Variants in MACROD2 observed in about 807,000 individuals in gnomAD.
MACROD2 encodes the protein mono-ADP ribosylhydrolase 2.
A neutral mutation model predicts 70.4 loss-of-function variants in MACROD2; 36 were observed. The observed-to-expected ratio is 0.51, with a 90% CI of 0.39 to 0.68. The LOEUF is 0.68. Ranked by LOEUF, MACROD2 falls within the 30% of genes least tolerant of loss-of-function variation. The pLI is 0.00. For missense variants in MACROD2, 496 were observed against 538.4 expected, an observed-to-expected ratio of 0.92 and a Z score of 0.78; for synonymous variants, 172 against 178.8, an observed-to-expected ratio of 0.96 and a Z score of 0.30.
intron 5 of MACROD2, among the ~76,000 whole-genome samples, chr20:14,790,579 T>C (rs1197708272): frequency 6.6e-6 from 1 of 152,094 alleles, no homozygotes; most frequent in Non-Finnish European, 1.5e-5. Context: ...CAGGGATTAA[T>C]TAAGGGGCTG....
At chr20:16,048,630 C>T (rs985823667) in intron 17 of MACROD2, among the ~76,000 whole-genome samples, 4 of 152,092 alleles carry the variant, frequency 2.6e-5, no homozygotes, top group African/African-American at 4.8e-5. Context: ...AATCCCACCA[C>T]GATCCCACTA....
chr20:14,897,574 C>A (rs1261489325), intron 5 of MACROD2, among the ~76,000 whole-genome samples: 1 of 151,914 alleles, frequency 6.6e-6, no homozygotes, highest in Non-Finnish European at 1.5e-5. Context: ...TTAGTTAGTG[C>A]TTCATTTCAG....
chr20:16,022,846 G>A (rs1393303914), intron 15 of MACROD2, among the ~76,000 whole-genome samples: 1 of 152,176 alleles, frequency 6.6e-6, no homozygotes, highest in African/African-American at 2.4e-5. Flanking sequence ...ATGCATGTAT[G>A]TGCCAACCGA....
At chr20:15,461,823 G>A (rs2046823213) in intron 7 of MACROD2, among the ~76,000 whole-genome samples, 1 of 152,066 alleles carries the variant, frequency 6.6e-6, no homozygotes, top group Non-Finnish European at 1.5e-5. Context: ...AGCAAACTGA[G>A]GATTCTTCCC....
chr20:15,470,071 A>T (rs1479145745), intron 7 of MACROD2, among the ~76,000 whole-genome samples: 1 of 151,844 alleles, frequency 6.6e-6, no homozygotes, highest in Admixed American at 6.6e-5. Context: ...TTTTTTTGAG[A>T]CAGAGTCTTG....
chr20:14,368,272 G>A (rs1479025325), intron 3 of MACROD2, among the ~76,000 whole-genome samples: 1 of 152,050 alleles, frequency 6.6e-6, no homozygotes, highest in Admixed American at 6.5e-5. Flanking sequence ...GGGCATATAG[G>A]CCACGCACAG....
intron 2 of MACROD2, among the ~76,000 whole-genome samples, chr20:14,015,824 C>A (rs1424320072): frequency 2.0e-5 from 3 of 152,112 alleles, no homozygotes; most frequent in Admixed American, 1.3e-4. Context: ...ATTTTTAAGG[C>A]CGAATATTAT....
intron 5 of MACROD2, among the ~76,000 whole-genome samples, chr20:15,130,079 A>G (rs995510226): frequency 1.3e-5 from 2 of 152,150 alleles, no homozygotes; most frequent in African/African-American, 4.8e-5. Flanking sequence ...TGCAGGACCC[A>G]TATTGTGTTT....
chr20:15,831,681 T>G (rs1274302685), intron 8 of MACROD2, among the ~76,000 whole-genome samples: 2 of 152,080 alleles, frequency 1.3e-5, no homozygotes, highest in African/African-American at 4.8e-5. Flanking sequence ...CCCTTGACAT[T>G]GCTTGAATTG....
intron 5 of MACROD2, among the ~76,000 whole-genome samples, chr20:14,979,581 C>T (rs918080335): frequency 1.2e-4 from 18 of 152,192 alleles, no homozygotes; most frequent in African/African-American, 4.3e-4. Flanking sequence ...ATACTTTGAG[C>T]TTCCTGGAAA....
chr20:15,900,779 G>A (rs1018642382), intron 10 of MACROD2, among the ~76,000 whole-genome samples: 12 of 152,196 alleles, frequency 7.9e-5, no homozygotes, highest in African/African-American at 2.9e-4. Flanking sequence ...AAACAGTTCA[G>A]TATGAGTATG....
chr20:15,191,311 CTCACACACACAGGCTGTGCATAAGGCT>C (rs2076568864), intron 5 of MACROD2, among the ~76,000 whole-genome samples: 1 of 152,174 alleles, frequency 6.6e-6, no homozygotes, highest in African/African-American at 2.4e-5. Context: ...CTGGGATGAG[CTCACACACACAGGCTGTGCATAAGGCT>C]TCAGAGAAAG....
At chr20:14,327,505 A>G in intron 3 of MACROD2, 1 of 1,610,658 alleles carries the variant, frequency 6.2e-7, no homozygotes, top group Non-Finnish European at 8.5e-7. Flanking sequence ...TGCGCTGATC[A>G]TGGTCAGCAG....
intron 11 of MACROD2, among the ~76,000 whole-genome samples, chr20:15,934,155 C>G (rs567970509): frequency 1.3e-5 from 2 of 152,294 alleles, no homozygotes; most frequent in Admixed American, 1.3e-4. Flanking sequence ...TCTCCCAACT[C>G]TAATAAGCCC....
At chr20:15,367,681 A>C (rs967030274) in intron 6 of MACROD2, among the ~76,000 whole-genome samples, 2 of 152,160 alleles carry the variant, frequency 1.3e-5, no homozygotes, top group African/African-American at 4.8e-5. Flanking sequence ...AAATTATAAA[A>C]GCAAAGATTT....
intron 3 of MACROD2, among the ~76,000 whole-genome samples, chr20:14,181,644 C>T (rs919680585): frequency 6.6e-6 from 1 of 151,954 alleles, no homozygotes; most frequent in Admixed American, 6.6e-5. Context: ...CATCCCATTT[C>T]CCCTCCTCCA....
rs1196976121 is a variant in MACROD2, at chr20:15,352,818, G to A, written c.541-78587G>A. On this transcript the variant is annotated intron_variant, in intron 6 of 17. Coordinates refer to ENST00000684519, the MANE Select transcript of MACROD2 (RefSeq NM_001351661.2). Reference sequence around the variant, plus strand: ...AAGGGATGTGAAGGACCTCTTCAAGGAGAACTACAAACCACTGCTCAATGA... The same window carrying A: ...AAGGGATGTGAAGGACCTCTTCAAGAAGAACTACAAACCACTGCTCAATGA... Among the ~76,000 whole-genome samples, 10 of 152,024 alleles carry A rather than the reference G, an allele frequency of 6.6e-5. No individual in the cohort carries two copies. The South Asian group carries it at 1.0e-3, about 16-fold the overall frequency.
At chr20:14,127,831 A>T (rs941506541) in intron 3 of MACROD2, 5 of 463,338 alleles carry the variant, frequency 1.1e-5, no homozygotes, top group Non-Finnish European at 2.1e-5. Flanking sequence ...AAAAAACAGC[A>T]ATCAATAGCA....
At chr20:14,300,692 G>A (rs2082467200) in intron 3 of MACROD2, among the ~76,000 whole-genome samples, 1 of 152,194 alleles carries the variant, frequency 6.6e-6, no homozygotes, top group South Asian at 2.1e-4. Flanking sequence ...TTAAGACTCA[G>A]CTGGGCCAGG....
Sources: allele counts gnomAD v4.1 joint callset (sites outside exome capture counted in the v4.1 genomes callset), GRCh38; gene constraint gnomAD v4.1.1; transcripts MANE v1.5; gene names NCBI Gene and HGNC (gene_info 2026-07-23, HGNC 2026-07-21).